The following NASP variants were observed in gnomAD, a reference collection of about 807,000 sequenced individuals.
The protein encoded by NASP is nuclear autoantigenic sperm protein.
Under a neutral mutation model 89.5 loss-of-function variants are expected in NASP, and 24 were observed. That is an observed-to-expected ratio of 0.27 (90% CI 0.19 to 0.38). NASP has a LOEUF of 0.38. Among genes scored for constraint, NASP ranks in the 10% least tolerant of loss-of-function variants. The pLI, the probability that NASP is intolerant of heterozygous loss-of-function variation, is 1.00. For synonymous variants in NASP, 306 were observed against 324.7 expected (o/e 0.94, Z 0.62); for missense variants, 848 against 921.4 (o/e 0.92, Z 1.03).
rs778628578 is a variant in NASP at position 45,614,110 on chromosome 1, TGAG to T, written c.1531_1533del (p.Glu511del). 3.5e-5 allele frequency: 56 copies of T among 1,602,546 alleles called. No homozygotes were observed. Among genetic ancestry groups the T allele is most frequent in the South Asian group, 5.5e-5 (5 of 90,838 alleles). On this transcript the variant is annotated inframe_deletion, in exon 8 of 15. Transcript: ENST00000350030. ...TTATACTTTAGTCTCTTCAAGAAAA[TGAG>T]GAGGAGGAGATTGGGAACCTAGAGC...
chr1:45,588,408 C>G (rs1357757986), intron 1 of NASP, among the ~76,000 whole-genome samples: 1 of 152,106 alleles, frequency 6.6e-6, no homozygotes, highest in African/African-American at 2.4e-5. Context: ...CCAGGCTACA[C>G]TTCTTTTTTT....
intron 1 of NASP, among the ~76,000 whole-genome samples, chr1:45,584,719 T>A (rs1394871158): frequency 6.6e-6 from 1 of 151,860 alleles, no homozygotes; most frequent in Admixed American, 6.6e-5. Context: ...TTTGCGCGCG[T>A]GCGTTCGCTT....
intron 12 of NASP, 21 bp from the exon 13 acceptor site, chr1:45,616,605 A>C (rs137962323): frequency 6.2e-7 from 1 of 1,610,410 alleles, no homozygotes; most frequent in East Asian, 2.2e-5. Flanking sequence ...TACAATTGCT[A>C]ATAAGGGCTT....
Position 45,616,709 on chromosome 1 carries a change from T to A in NASP, c.2157+6T>A. ...CCCACCTTGTCAGAAAGAAGGTAAG[T>A]CTACATGTGGTGTTTCTTTTCTACC... On this transcript the variant is annotated splice_donor_region_variant and intron_variant, in intron 13 of 14. Coordinates refer to ENST00000350030, the MANE Select transcript of NASP (RefSeq NM_002482.4). 1 of 1,609,416 alleles carries A rather than the reference T, an allele frequency of 6.2e-7. No individual in the cohort carries two copies. The highest frequency in any genetic ancestry group is 1.1e-5 in the South Asian group (1 of 91,006).
At position 45,618,497 on chromosome 1, in the gene NASP, T is replaced by G. The variant is rs1644148241; in HGVS notation, c.*356T>G. 5.5e-6 allele frequency: 1 copy of G among 181,618 alleles called. No individual in the cohort carries two copies. Among genetic ancestry groups the G allele is most frequent in the Non-Finnish European group, 1.2e-5 (1 of 84,536 alleles). The allele number at this position is 181,618 out of a possible 1,614,324, so 11.3% of individuals were successfully genotyped here. A position where few individuals can be genotyped will look rare whatever the true frequency, so the allele number is the denominator to read the frequency against. ...GTCTTGCAAACTTTCAGTGGTGCTG[T>G]CCCTGGATGGGGGCTACAAAAACAA... On this transcript the variant is annotated 3_prime_UTR_variant, in exon 15 of 15. Coordinates refer to ENST00000350030, the MANE Select transcript of NASP (RefSeq NM_002482.4).
chr1:45,588,419 A>T (rs537686166), intron 1 of NASP, among the ~76,000 whole-genome samples: 5 of 152,106 alleles, frequency 3.3e-5, no homozygotes, highest in East Asian at 1.9e-4. Context: ...TTCTTTTTTT[A>T]AAATTAATTT....
Position 45,590,682 on chromosome 1 carries a change from C to CTTTTT in NASP, c.60-524_60-520dup, listed in dbSNP as rs386366869. On this transcript the variant is annotated intron_variant, in intron 1 of 14. Coordinates refer to ENST00000350030, the MANE Select transcript of NASP (RefSeq NM_002482.4). ...GTCTTATATTGCAGTCATAGTGTAA[C>CTTTTT]TTTTTTTTTTTTTTTTTTTTTGAGA... Among the ~76,000 whole-genome samples, 136 of 107,192 alleles carry CTTTTT rather than the reference C, an allele frequency of 1.3e-3. 3 individuals are homozygous for CTTTTT. The highest frequency in any genetic ancestry group is 0.01 in the East Asian group (37 of 3,592). 70.3% of individuals were successfully genotyped at this position (107,192 alleles called of 152,430 possible).
At chr1:45,598,337 ATTTTGTATTT>A (rs1643750289) in intron 2 of NASP, among the ~76,000 whole-genome samples, 1 of 151,938 alleles carries the variant, frequency 6.6e-6, no homozygotes, top group African/African-American at 2.4e-5. Context: ...TGCCCGGCTA[ATTTTGTATTT>A]TTAGTAGAGA....
chr1:45,603,373 C>T (rs1233202812), intron 3 of NASP, among the ~76,000 whole-genome samples: 1 of 152,166 alleles, frequency 6.6e-6, no homozygotes, highest in East Asian at 1.9e-4. Flanking sequence ...TTAAATCTTC[C>T]TTATAAAAGA....
At chr1:45,616,553 TAAA>T in intron 12 of NASP, 70 bp from the exon 13 acceptor site, 2 of 1,553,418 alleles carry the variant, frequency 1.3e-6, no homozygotes, top group Non-Finnish European at 1.8e-6. Flanking sequence ...TCTGAAAAAC[TAAA>T]AAATTATAAA....
chr1:45,594,767 A>G, intron 2 of NASP: 1 of 453,522 alleles, frequency 2.2e-6, no homozygotes, highest in Non-Finnish European at 4.4e-6. Flanking sequence ...AAGTGCTGGG[A>G]TTACAGGTGT....
Position 45,617,484 on chromosome 1 carries a change from C to T in NASP, c.2179C>T (p.Pro727Ser), listed in dbSNP as rs1249734068. ...TTAGAGGAAACCAGAGGAAGAGAGT[C>T]CCCGGAAAGATGATGCAAAGAAAGC... The part of the protein sequence containing the change: ...RKKRKPEEES[P>S]RKDDAKKAKQ... The change falls in exon 14 of 15, where the codon CCC (proline) becomes TCC (serine). Residue 727 changes from proline to serine, a missense_variant. By Grantham distance (74) the Pro-to-Ser change is moderately conservative. Around this residue, in one of 5 missense-constraint regions of NASP, gnomAD observed 218 missense variants for 219.6 expected, o/e 0.99. Transcript: ENST00000350030. 8 of 1,613,176 alleles carry T rather than the reference C, an allele frequency of 5.0e-6. No individual in the cohort carries two copies. Among genetic ancestry groups the T allele is most frequent in the Non-Finnish European group, 6.8e-6 (8 of 1,179,686 alleles).
At chr1:45,603,686 T>G (rs1352226445) in intron 3 of NASP, among the ~76,000 whole-genome samples, 1 of 147,726 alleles carries the variant, frequency 6.8e-6, no homozygotes, top group Admixed American at 7.0e-5. Flanking sequence ...GTCAGCTCAC[T>G]GCAACCCCCG....
intron 9 of NASP, among the ~76,000 whole-genome samples, chr1:45,614,727 C>CG (rs1386930703): frequency 6.6e-6 from 1 of 151,894 alleles, no homozygotes; most frequent in Admixed American, 6.6e-5. Context: ...TTAGTAGAGA[C>CG]GGGGTTTCAC....
intron 1 of NASP, among the ~76,000 whole-genome samples, chr1:45,587,067 A>G (rs1295242975): frequency 6.6e-6 from 1 of 152,182 alleles, no homozygotes; most frequent in East Asian, 1.9e-4. Context: ...TCGTCTGCAA[A>G]AAGTCTTAGG....
At chr1:45,590,682 CT>C (rs386366869) in intron 1 of NASP, among the ~76,000 whole-genome samples, 9,700 of 106,400 alleles carry the variant, frequency 0.091, 118 homozygotes, top group Middle Eastern at 0.18. Flanking sequence ...CATAGTGTAA[CT>C]TTTTTTTTTT....
rs1007485461 is a variant in NASP, at chr1:45,607,626, G to A, written c.715G>A (p.Ala239Thr). Residue 239 changes from alanine to threonine, a missense_variant, in exon 6 of 15, where the codon GCT becomes ACT. Physicochemically the swap from Ala to Thr is moderately conservative, Grantham distance 58. Coordinates refer to ENST00000350030, the MANE Select transcript of NASP (RefSeq NM_002482.4). ...SGKPEQEVPDAEEEKSVSGTD... is the reference protein window; with the variant it reads ...SGKPEQEVPDTEEEKSVSGTD... ...GAAGCCAGAACAGGAAGTACCAGAT[G>A]CTGAGGAAGAAAAATCAGTTTCTGG... 6.2e-7 allele frequency: 1 copy of A among 1,614,172 alleles called. No homozygotes were observed. Among genetic ancestry groups the A allele is most frequent in the Non-Finnish European group, 8.5e-7 (1 of 1,180,034 alleles).
intron 4 of NASP, 103 bp downstream of exon 4, chr1:45,605,119 T>C: frequency 1.2e-6 from 1 of 803,644 alleles, no homozygotes; most frequent in East Asian, 2.5e-5. Context: ...CTAGAGAGTT[T>C]TGAAGGAGCT....
Position 45,607,598 on chromosome 1 carries a change from T to C in NASP, c.687T>C (p.Ser229=). 6.2e-7 allele frequency: 1 copy of C among 1,613,936 alleles called. No individual in the cohort carries two copies. Among genetic ancestry groups the C allele is most frequent in the Non-Finnish European group, 8.5e-7 (1 of 1,179,918 alleles). The change falls in exon 6 of 15, where the codon TCT becomes TCC. Residue 229 remains serine, a synonymous_variant. Coordinates refer to ENST00000350030, the MANE Select transcript of NASP (RefSeq NM_002482.4). ...PEGPNEAEVT[S]GKPEQEVPDA... ...GACCGAATGAAGCTGAGGTCACTTC[T>C]GGGAAGCCAGAACAGGAAGTACCAG...
Sources: gnomAD v4.1 joint callset for allele counts (sites outside exome capture counted in the v4.1 genomes callset) on GRCh38, gnomAD v4.1.1 for gene constraint, gnomAD v4.1.1 regional missense constraint, MANE v1.5 for transcripts, NCBI Gene and HGNC (gene_info 2026-07-23, HGNC 2026-07-21) for gene names.